CDHR1: variants seen among roughly 807,000 people sequenced by gnomAD.
CDHR1 encodes the protein cadherin related family member 1.
In CDHR1, 61 loss-of-function variants were observed where a neutral mutation model predicts 72.1. That is an observed-to-expected ratio of 0.85 (90% confidence interval 0.69 to 1.05). The LOEUF (loss-of-function observed/expected upper bound fraction) is 1.05. Ranked by LOEUF, CDHR1 falls within the 50% of genes least tolerant of loss-of-function variation. The pLI is 0.00. For missense variants in CDHR1, 1,186 were observed against 1,115.7 expected (o/e 1.06, Z -0.90); for synonymous variants, 470 against 448.1 (o/e 1.05, Z -0.62).
Position 84,215,607 on chromosome 10 carries a change from C to T in CDHR1, c.*986C>T. 1.7e-5 allele frequency: 16 copies of T among 915,858 alleles called. No individual in the cohort carries two copies. Among genetic ancestry groups the T allele is most frequent in the Non-Finnish European group, 2.1e-5 (16 of 766,606 alleles). 56.7% of individuals were successfully genotyped at this position (915,858 alleles called of 1,614,324 possible). A position where few individuals can be genotyped will look rare whatever the true frequency, so the allele number is the denominator to read the frequency against. ...AAATGAAGAAAGTAGGCCCTGTCTA[C>T]CTCACATGCAGGTCTAGGGTGAGGA... On this transcript the variant is annotated 3_prime_UTR_variant, in exon 17 of 17. Transcript: ENST00000623527.
intron 9 of CDHR1, among the ~76,000 whole-genome samples, chr10:84,205,056 G>A (rs182339361): frequency 2.0e-5 from 3 of 152,306 alleles, no homozygotes; most frequent in South Asian, 2.1e-4. Flanking sequence ...CTGAAGTTCA[G>A]AGAAGCTGAG....
chr10:84,217,517 C>T lies in CDHR1; in HGVS notation c.*2896C>T, dbSNP rs1177549825. 2 of 974,184 alleles carry T rather than the reference C, an allele frequency of 2.1e-6. No individual in the cohort carries two copies. Among genetic ancestry groups the T allele is most frequent in the African/African-American group, 3.5e-5 (2 of 56,952 alleles). 60.3% of individuals were successfully genotyped at this position (974,184 alleles called of 1,614,324 possible). ...GGGCAAGAGGTCAAGTCTCTCTGGG[C>T]CTCACTTTCCTCATTAACACAGGGT... On this transcript the variant is annotated 3_prime_UTR_variant, in exon 17 of 17. Transcript: ENST00000623527.
chr10:84,216,006 A>G lies in CDHR1; in HGVS notation c.*1385A>G. 1.0e-6 allele frequency: 1 copy of G among 985,188 alleles called. No individual in the cohort carries two copies. The highest frequency in any genetic ancestry group is 1.2e-6 in the Non-Finnish European group (1 of 829,926). 61.0% of individuals were successfully genotyped at this position (985,188 alleles called of 1,614,324 possible). Reference sequence around the variant, plus strand: ...CAGGTTGGTAGCAAAGATCTTGTCTAGCCAGGGCAGCCCTTATCAGCTTGT... The same window carrying G: ...CAGGTTGGTAGCAAAGATCTTGTCTGGCCAGGGCAGCCCTTATCAGCTTGT... On this transcript the variant is annotated 3_prime_UTR_variant, in exon 17 of 17. Transcript: ENST00000623527.
rs560038683 is a variant in CDHR1, at chr10:84,215,518, T to G, written c.*897T>G. Reference sequence around the variant, plus strand: ...GACTTCCGTTTTTATCCAGCTCTTTTGCTCACATCGCGTAACCTTGGGAAA... The same window carrying G: ...GACTTCCGTTTTTATCCAGCTCTTTGGCTCACATCGCGTAACCTTGGGAAA... On this transcript the variant is annotated 3_prime_UTR_variant, in exon 17 of 17. Transcript: ENST00000623527. 9.5e-6 allele frequency: 9 copies of G among 950,132 alleles called. No homozygotes were observed. The highest frequency in any genetic ancestry group is 1.0e-5 in the Non-Finnish European group (8 of 797,816). The allele number at this position is 950,132 out of a possible 1,614,324, so 58.9% of individuals were successfully genotyped here.
Position 84,208,376 on chromosome 10 carries a change from A to T in CDHR1, c.1166A>T (p.Gln389Leu). The T allele has an allele frequency of 6.2e-7, 1 of 1,614,110 alleles. No homozygotes were observed. The highest frequency in any genetic ancestry group is 1.1e-5 in the South Asian group (1 of 91,066). The change falls in exon 11 of 17, where the codon CAG becomes CTG. Residue 389 changes from glutamine to leucine, a missense_variant and splice_region_variant. Gln to Leu is a moderately radical substitution (Grantham distance 113). Transcript: ENST00000623527. ...GLKITVNDSD[Q>L]GANAKFNLQL... ...AAGATCACCGTCAATGACTCCGACCAGGTGTGTGGTCCTGCCCTCCGCTCT... is the reference window on the plus strand; with the variant it reads ...AAGATCACCGTCAATGACTCCGACCTGGTGTGTGGTCCTGCCCTCCGCTCT...
downstream of CDHR1, chr10:84,219,357 C>A (rs1260048324): frequency 1.6e-5 from 24 of 1,516,888 alleles, no homozygotes; most frequent in Admixed American, 2.1e-5. Context: ...CAACTGAATA[C>A]TTCCCTACCC....
chr10:84,219,092 G>A (rs979439309), downstream of CDHR1: 1 of 1,125,808 alleles, frequency 8.9e-7, no homozygotes, highest in African/African-American at 1.6e-5. Flanking sequence ...AGAAGACTAA[G>A]GTACATGAAA....
At chr10:84,211,271 G>C in intron 13 of CDHR1, 106 bp downstream of exon 13, 1 of 1,222,814 alleles carries the variant, frequency 8.2e-7, no homozygotes, top group Non-Finnish European at 1.2e-6. Context: ...ACACTCATTA[G>C]CTGTCCTTGG....
Position 84,214,491 on chromosome 10 carries a change from C to G in CDHR1, c.2450C>G (p.Ser817Cys). 1 of 1,607,454 alleles carries G rather than the reference C, an allele frequency of 6.2e-7. No homozygotes were observed. Among genetic ancestry groups the G allele is most frequent in the Non-Finnish European group, 8.5e-7 (1 of 1,179,424 alleles). ...TGGACCGTGCCTACTGTCTCTGGCTCTCTCACTCCGCAGCCGACCCAACCC... is the reference window on the plus strand; with the variant it reads ...TGGACCGTGCCTACTGTCTCTGGCTGTCTCACTCCGCAGCCGACCCAACCC... The part of the protein sequence containing the change: ...AQWTVPTVSG[S>C]LTPQPTQPPP... The change falls in exon 17 of 17, where the codon TCT (serine) becomes TGT (cysteine). Residue 817 changes from serine to cysteine, a missense_variant. Coordinates refer to ENST00000623527, the MANE Select transcript of CDHR1 (RefSeq NM_033100.4).
At chr10:84,200,449 C>A (rs1842102634) in intron 5 of CDHR1, 152 bp from the exon 6 acceptor site, 1 of 679,612 alleles carries the variant, frequency 1.5e-6, no homozygotes, top group Non-Finnish European at 2.7e-6. Flanking sequence ...TGGGCCCAGC[C>A]CCCACTGGGT....
rs143468750 is a variant in CDHR1 at position 84,213,084 on chromosome 10, C to T, written c.1783-7C>T. 63 of 1,614,194 alleles carry T rather than the reference C, an allele frequency of 3.9e-5. No individual in the cohort carries two copies. In the Middle Eastern group the frequency reaches 4.9e-4, roughly 13 times the overall value. Reference sequence around the variant, plus strand: ...GCCCAGCTCTGTCTGTCTCTCCCTGCGCACAGGCCATAGACGAGGATGCAG... The same window carrying T: ...GCCCAGCTCTGTCTGTCTCTCCCTGTGCACAGGCCATAGACGAGGATGCAG... On this transcript the variant is annotated splice_region_variant and splice_polypyrimidine_tract_variant and intron_variant, in intron 15 of 16. Coordinates refer to ENST00000623527, the MANE Select transcript of CDHR1 (RefSeq NM_033100.4).
intron 14 of CDHR1, 92 bp from the exon 15 acceptor site, chr10:84,212,087 C>T (rs573473435): frequency 8.7e-7 from 1 of 1,143,174 alleles, no homozygotes; most frequent in East Asian, 2.4e-5. Context: ...CTCACTCCTG[C>T]TTCAGGAGGC....
In CDHR1 at chr10:84,205,811, G is replaced by A. The variant is rs144480104; in HGVS notation, c.863-16G>A. On this transcript the variant is annotated splice_polypyrimidine_tract_variant and intron_variant, in intron 9 of 16. Transcript: ENST00000623527. Reference sequence around the variant, plus strand: ...GTGGTCCTGTGCAGAACTTCAGGGTGCATCTCCCTTGACAGGGAACGATGG... The same window carrying A: ...GTGGTCCTGTGCAGAACTTCAGGGTACATCTCCCTTGACAGGGAACGATGG... The A allele has an allele frequency of 4.3e-5, 68 of 1,586,052 alleles. No individual in the cohort carries two copies. The East Asian group carries it at 1.3e-3, about 29-fold the overall frequency.
chr10:84,209,334 T>G (rs1355031582), intron 12 of CDHR1, among the ~76,000 whole-genome samples: 1 of 152,190 alleles, frequency 6.6e-6, no homozygotes, highest in African/African-American at 2.4e-5. Flanking sequence ...AATATGTTAA[T>G]AGGAAAAGTA....
intron 10 of CDHR1, among the ~76,000 whole-genome samples, chr10:84,207,672 A>G (rs1381430379): frequency 6.6e-6 from 1 of 152,156 alleles, no homozygotes; most frequent in Non-Finnish European, 1.5e-5. Context: ...AAAACAATAC[A>G]CATTCATATC....
In CDHR1 at chr10:84,207,116, G is replaced by T. The variant is rs1842239993; in HGVS notation, c.964-1058G>T. On this transcript the variant is annotated intron_variant, in intron 10 of 16. Coordinates refer to ENST00000623527, the MANE Select transcript of CDHR1 (RefSeq NM_033100.4). ...CAAACATCAAAACTTGGGCATACAG[G>T]TTTGGAATTGTGGGAGAGAATGTCA... Among the ~76,000 whole-genome samples the T allele has an allele frequency of 1.3e-5, 2 of 152,138 alleles. 1 individual carries two copies. The highest frequency in any genetic ancestry group is 4.1e-4 in the South Asian group (2 of 4,826).
rs74145715 is a variant in CDHR1 at position 84,200,648 on chromosome 10, G to C, written c.486G>C (p.Arg162Ser). The C allele has an allele frequency of 5.2e-3, 8,377 of 1,612,546 alleles. 338 individuals are homozygous for C. In the African/African-American group the frequency reaches 0.091, roughly 18 times the overall value. The change falls in exon 6 of 17, where the codon AGG becomes AGC. Residue 162 changes from arginine to serine, a missense_variant. Arg to Ser is a moderately radical substitution (Grantham distance 110). Coordinates refer to ENST00000623527, the MANE Select transcript of CDHR1 (RefSeq NM_033100.4). ...TCTTTAAGGTCCATGCAGTGGACAG[G>C]GACACAGGCTCTGGAGGGAGTGTCA... ...SIIFKVHAVDRDTGSGGSVTY... is the reference protein window; with the variant it reads ...SIIFKVHAVDSDTGSGGSVTY...
chr10:84,212,265 A>G lies in CDHR1; in HGVS notation c.1640A>G (p.Tyr547Cys), dbSNP rs1314500354. 6.2e-7 allele frequency: 1 copy of G among 1,614,214 alleles called. No homozygotes were observed. ...DAEATARYNFYVKAEDMEGKY... is the reference protein window; with the variant it reads ...DAEATARYNFCVKAEDMEGKY... Reference sequence around the variant, plus strand: ...GAGGCCACTGCCAGGTACAACTTCTATGTGAAGGCAGAGGACATGGAAGGC... The same window carrying G: ...GAGGCCACTGCCAGGTACAACTTCTGTGTGAAGGCAGAGGACATGGAAGGC... Residue 547 changes from tyrosine (Y) to cysteine (C), a missense_variant, in exon 15 of 17, where the codon TAT becomes TGT. Physicochemically the swap from Tyr to Cys is radical, Grantham distance 194. Coordinates refer to ENST00000623527, the MANE Select transcript of CDHR1 (RefSeq NM_033100.4).
Position 84,214,765 on chromosome 10 carries a change from C to T in CDHR1, c.*144C>T, listed in dbSNP as rs1842400759. 3 of 1,561,620 alleles carry T rather than the reference C, an allele frequency of 1.9e-6. No homozygotes were observed. The highest frequency in any genetic ancestry group is 2.6e-6 in the Non-Finnish European group (3 of 1,161,422). Reference sequence around the variant, plus strand: ...ATAATCCCCACTGTCCTCATCTCTACCGCCACCTTCTGGCGCAACAAGAAG... The same window carrying T: ...ATAATCCCCACTGTCCTCATCTCTATCGCCACCTTCTGGCGCAACAAGAAG... On this transcript the variant is annotated 3_prime_UTR_variant, in exon 17 of 17. Transcript: ENST00000623527.
Sources: gnomAD v4.1 joint callset for allele counts (sites outside exome capture counted in the v4.1 genomes callset) on GRCh38, gnomAD v4.1.1 for gene constraint, MANE v1.5 for transcripts, NCBI Gene and HGNC (gene_info 2026-07-23, HGNC 2026-07-21) for gene names.